Variants in EXTL3 observed in about 807,000 individuals in gnomAD.
EXTL3 encodes the protein exostosin like glycosyltransferase 3, also known as exostosin-like 3.
In EXTL3, 27 loss-of-function variants were observed where a neutral mutation model predicts 69.3. The observed-to-expected ratio is 0.39, with a 90% CI of 0.29 to 0.54. The LOEUF is 0.54. EXTL3 is among the 20% of genes least tolerant of loss of function. The pLI, the probability that EXTL3 is intolerant of heterozygous loss-of-function variation, is 0.69. For missense variants in EXTL3, 1,003 were observed against 1,231.8 expected (o/e 0.81, Z 2.78); for synonymous variants, 511 against 499.4 (o/e 1.02, Z -0.31).
intron 1 of EXTL3, among the ~76,000 whole-genome samples, chr8:28,645,498 C>G (rs1199137112): frequency 6.6e-6 from 1 of 152,180 alleles, no homozygotes; most frequent in Non-Finnish European, 1.5e-5. Flanking sequence ...CTATAATGTA[C>G]AGTGTCATCC....
At chr8:28,691,017 A>G (rs1454142366) in intron 1 of EXTL3, among the ~76,000 whole-genome samples, 1 of 152,140 alleles carries the variant, frequency 6.6e-6, no homozygotes, top group African/African-American at 2.4e-5. Flanking sequence ...GCCTTAATAT[A>G]TATGTGTGTT....
At chr8:28,616,755 G>A (rs192131074) in intron 2 of EXTL3, among the ~76,000 whole-genome samples, 1 of 152,332 alleles carries the variant, frequency 6.6e-6, no homozygotes, top group Admixed American at 6.5e-5. Flanking sequence ...ATAGATTTGG[G>A]TGTGGAGAGT....
intron 1 of EXTL3, chr8:28,631,766 C>T (rs1193862080): frequency 6.6e-6 from 1 of 152,202 alleles, no homozygotes; most frequent in African/African-American, 2.4e-5. Context: ...TCACAAAGTA[C>T]TTAATTTTCT....
chr8:28,631,130 A>G (rs978981683), intron 1 of EXTL3, among the ~76,000 whole-genome samples: 4 of 147,576 alleles, frequency 2.7e-5, no homozygotes, highest in Non-Finnish European at 5.9e-5. Context: ...CACAGATTCA[A>G]CTTTAGAGAG....
At position 28,623,538 on chromosome 8, in the gene EXTL3, G is replaced by A. The variant is rs1295349123; in HGVS notation, c.-53+728G>A. Among the ~76,000 whole-genome samples, 1 of 152,206 alleles carries A rather than the reference G, an allele frequency of 6.6e-6. No homozygotes were observed. The highest frequency in any genetic ancestry group is 6.5e-5 in the Admixed American group (1 of 15,282). ...CACCCTGCAGGGCTCCATCCGTTCAGTCTCACCCCTTGGTAAGCATGTCCT... is the reference window on the plus strand; with the variant it reads ...CACCCTGCAGGGCTCCATCCGTTCAATCTCACCCCTTGGTAAGCATGTCCT... On this transcript the variant is annotated intron_variant, in intron 1 of 6. Coordinates refer to the EXTL3 transcript ENST00000523149. The surrounding 1 kb of genome is among the most constrained non-coding windows in gnomAD (Gnocchi z 4.2).
chr8:28,620,770 C>T (rs1285570851), upstream of EXTL3, among the ~76,000 whole-genome samples: 1 of 152,136 alleles, frequency 6.6e-6, no homozygotes, highest in Non-Finnish European at 1.5e-5. Context: ...GCCTGTAGTA[C>T]AGTGATGTAA....
At chr8:28,722,289 G>A (rs905004722) in intron 3 of EXTL3, among the ~76,000 whole-genome samples, 1 of 152,202 alleles carries the variant, frequency 6.6e-6, no homozygotes, top group East Asian at 1.9e-4. Context: ...CCCTTGGAGG[G>A]TGTTGAGCAG....
chr8:28,701,920 C>G (rs569132636), intron 1 of EXTL3, among the ~76,000 whole-genome samples: 5 of 152,290 alleles, frequency 3.3e-5, no homozygotes, highest in Admixed American at 2.0e-4. Flanking sequence ...GGTCCCTGGG[C>G]TGGGGCACCC....
chr8:28,733,022 G>T (rs1173163325), intron 4 of EXTL3, among the ~76,000 whole-genome samples: 2 of 152,170 alleles, frequency 1.3e-5, no homozygotes, highest in Non-Finnish European at 2.9e-5. Context: ...ATGAGCCACG[G>T]TGCCCAGCCC....
intron 1 of EXTL3, among the ~76,000 whole-genome samples, chr8:28,668,638 A>T (rs762939881): frequency 2.0e-5 from 3 of 152,060 alleles, no homozygotes; most frequent in Non-Finnish European, 4.4e-5. Flanking sequence ...TGCCTAGCCC[A>T]GAGTTGTTAA....
intron 1 of EXTL3, among the ~76,000 whole-genome samples, chr8:28,695,516 T>G (rs1467236723): frequency 6.6e-6 from 1 of 152,272 alleles, no homozygotes. Context: ...TCTCCATCTC[T>G]GGTGGGTTTG....
At chr8:28,613,309 G>C (rs998478236) in intron 2 of EXTL3, among the ~76,000 whole-genome samples, 1 of 151,992 alleles carries the variant, frequency 6.6e-6, no homozygotes, top group African/African-American at 2.4e-5. Context: ...TCGGCCTCCT[G>C]AGTTGCTGGG....
In EXTL3 at chr8:28,717,180, A is replaced by G; in HGVS notation, c.1121A>G (p.Asp374Gly). 6.2e-7 allele frequency: 1 copy of G among 1,614,242 alleles called. No homozygotes were observed. Among genetic ancestry groups the G allele is most frequent in the Non-Finnish European group, 8.5e-7 (1 of 1,180,036 alleles). The change falls in exon 3 of 7, where the codon GAC becomes GGC. Residue 374 changes from aspartate to glycine, a missense_variant. Transcript: ENST00000220562. This position sits in a 1 kb window ranked among gnomAD's most constrained non-coding sequence, Gnocchi z 8.3. ...GAAATGGAGGGCGACCCTCCCGCCG[A>G]CTACGATGACCGGATCATTGCCACC... ...EEEMEGDPPA[D>G]YDDRIIATLK...
intron 1 of EXTL3, among the ~76,000 whole-genome samples, chr8:28,641,958 C>A (rs1478950599): frequency 1.3e-5 from 2 of 152,126 alleles, no homozygotes; most frequent in East Asian, 3.9e-4. Flanking sequence ...GCCTCAGCCT[C>A]CCAAGTAGCT....
chr8:28,679,398 A>T (rs1585247069), intron 1 of EXTL3, among the ~76,000 whole-genome samples: 1 of 152,226 alleles, frequency 6.6e-6, no homozygotes, highest in East Asian at 1.9e-4. Flanking sequence ...GTGAACCAAG[A>T]TCGTGCCACT....
intron 1 of EXTL3, chr8:28,710,512 G>A (rs1167495761): frequency 4.4e-6 from 2 of 456,024 alleles, no homozygotes; most frequent in Non-Finnish European, 8.8e-6. Context: ...GTGTAAGTGG[G>A]GAGAATTTTT....
At chr8:28,722,273 A>G (rs1489772652) in intron 3 of EXTL3, among the ~76,000 whole-genome samples, 1 of 152,206 alleles carries the variant, frequency 6.6e-6, no homozygotes. Flanking sequence ...TGTCTGCCTT[A>G]GGATGCCCTT....
chr8:28,717,871 G>A lies in EXTL3; in HGVS notation c.1812G>A (p.Trp604Ter). 1 of 1,613,756 alleles carries A rather than the reference G, an allele frequency of 6.2e-7. No individual in the cohort carries two copies. The highest frequency in any genetic ancestry group is 1.1e-5 in the South Asian group (1 of 91,074). ...CTGTCACTGACTTTTACCGCAGCTG[G>A]AACTGTGCTCCAGGGCCTTTCCATC... is the stretch of plus-strand genomic sequence containing the variant. ...TLTVTDFYRSWNCAPGPFHLF... is the reference protein window; with the variant it reads ...TLTVTDFYRS The change falls in exon 3 of 7, where the codon TGG (tryptophan) becomes TGA (stop). Residue 604 changes from tryptophan (W) to a stop codon, truncating the protein, a stop_gained. Coordinates refer to ENST00000220562, the MANE Select transcript of EXTL3 (RefSeq NM_001440.4). LOFTEE classifies it high-confidence loss of function. This position sits in a 1 kb window ranked among gnomAD's most constrained non-coding sequence, Gnocchi z 8.3.
At chr8:28,655,225 C>A (rs1346915563) in intron 1 of EXTL3, among the ~76,000 whole-genome samples, 3 of 152,114 alleles carry the variant, frequency 2.0e-5, no homozygotes, top group African/African-American at 7.2e-5. Flanking sequence ...GTGGGAGGAT[C>A]ACTTGAGTCC....
Sources: allele counts gnomAD v4.1 joint callset (sites outside exome capture counted in the v4.1 genomes callset), GRCh38; gene constraint gnomAD v4.1.1; non-coding constraint Gnocchi (gnomAD v3.1); transcripts MANE v1.5; gene names NCBI Gene and HGNC (gene_info 2026-07-23, HGNC 2026-07-21).